GALK2: variants seen among roughly 807,000 people sequenced by gnomAD.
The protein encoded by GALK2 is N-acetylgalactosamine kinase.
A neutral mutation model predicts 52.4 loss-of-function variants in GALK2; 36 were observed. The ratio of observed to expected loss-of-function variants is 0.69; its 90% CI spans 0.53 to 0.91. GALK2 has a LOEUF of 0.91. Ranked by LOEUF, GALK2 falls within the 40% of genes least tolerant of loss-of-function variation. GALK2 has a pLI of 0.00. For missense variants in GALK2, 579 were observed against 559.1 expected (o/e 1.04, Z -0.36); for synonymous variants, 176 against 199.1 (o/e 0.88, Z 0.98).
chr15:49,240,367 A>G (rs537558578), intron 5 of GALK2, among the ~76,000 whole-genome samples: 116 of 152,334 alleles, frequency 7.6e-4, no homozygotes, highest in Non-Finnish European at 9.4e-4. Flanking sequence ...TCATTCAACC[A>G]TTATTTATTT....
intron 5 of GALK2, among the ~76,000 whole-genome samples, chr15:49,279,327 A>G (rs897416833): frequency 6.6e-6 from 1 of 152,210 alleles, no homozygotes; most frequent in South Asian, 2.1e-4. Context: ...AAACTTCTCA[A>G]TGTTCTGGTT....
At chr15:49,159,544 C>A (rs1425828934) in intron 1 of GALK2, among the ~76,000 whole-genome samples, 1 of 150,294 alleles carries the variant, frequency 6.7e-6, no homozygotes, top group East Asian at 1.9e-4. Flanking sequence ...CCATTGCACT[C>A]CAGCCTGGGC....
chr15:49,197,795 T>C (rs1319018709), intron 1 of GALK2, among the ~76,000 whole-genome samples: 2 of 152,170 alleles, frequency 1.3e-5, no homozygotes, highest in Non-Finnish European at 2.9e-5. Flanking sequence ...TTTTCTCCTT[T>C]AGTTTTGAAA....
intron 8 of GALK2, among the ~76,000 whole-genome samples, chr15:49,300,986 G>A (rs1188088851): frequency 5.9e-5 from 9 of 152,142 alleles, no homozygotes; most frequent in Admixed American, 5.9e-4. Flanking sequence ...ACTTCCTTAA[G>A]GATCTTTTGT....
At chr15:49,353,681 A>G (rs371397034) in intron 3 of GALK2, 1 of 145,222 alleles carries the variant, frequency 6.9e-6, no homozygotes, top group East Asian at 2.0e-4. Flanking sequence ...AGGCTTTCCT[A>G]TTCACTTCGC....
At chr15:49,178,917 C>T (rs900298630) in intron 1 of GALK2, among the ~76,000 whole-genome samples, 2 of 152,128 alleles carry the variant, frequency 1.3e-5, no homozygotes, top group Non-Finnish European at 2.9e-5. Context: ...ATAGCTGTGG[C>T]CTTAATTTCC....
chr15:49,308,399 G>A (rs1367754698), intron 8 of GALK2, among the ~76,000 whole-genome samples: 3 of 152,150 alleles, frequency 2.0e-5, no homozygotes, highest in Non-Finnish European at 4.4e-5. Flanking sequence ...ATATTCTAGG[G>A]TATGAAAGTC....
chr15:49,164,288 T>C (rs187303429), intron 1 of GALK2, among the ~76,000 whole-genome samples: 37 of 151,982 alleles, frequency 2.4e-4, no homozygotes, highest in Non-Finnish European at 1.5e-5. Flanking sequence ...CCGAAGCCAA[T>C]TGACAACCAG....
chr15:49,155,955 G>T, exon 1 of GALK2: 1 of 1,612,332 alleles, frequency 6.2e-7, no homozygotes, highest in South Asian at 1.1e-5. Flanking sequence ...GAAAGTAAGG[G>T]ACAGCTTAGG....
chr15:49,160,137 G>GGT (rs1244396138), intron 1 of GALK2, among the ~76,000 whole-genome samples: 1 of 152,030 alleles, frequency 6.6e-6, no homozygotes, highest in Non-Finnish European at 1.5e-5. Flanking sequence ...ATCCAGGCAT[G>GGT]GTGGCACATG....
intron 1 of GALK2, chr15:49,161,745 G>A: frequency 5.3e-6 from 1 of 188,894 alleles, no homozygotes; most frequent in Non-Finnish European, 1.1e-5. Context: ...TTGAGATGGA[G>A]TCTTGCTTTG....
chr15:49,284,281 T>C (rs534228621), intron 7 of GALK2, among the ~76,000 whole-genome samples: 1 of 152,250 alleles, frequency 6.6e-6, no homozygotes, highest in Non-Finnish European at 1.5e-5. Flanking sequence ...TGACTAGCTA[T>C]TGTAGTTCTA....
At chr15:49,270,957 C>G (rs2030464879) in intron 5 of GALK2, among the ~76,000 whole-genome samples, 2 of 152,140 alleles carry the variant, frequency 1.3e-5, no homozygotes, top group South Asian at 4.1e-4. Context: ...TGGGACAGGA[C>G]TGTTCTGCTC....
intron 3 of GALK2, among the ~76,000 whole-genome samples, chr15:49,360,816 T>C (rs2151398914): frequency 6.6e-6 from 1 of 152,304 alleles, no homozygotes; most frequent in East Asian, 1.9e-4. Context: ...TTATCATCCT[T>C]ATAAATAAAT....
chr15:49,304,373 TACTC>T (rs1270301730), intron 8 of GALK2, among the ~76,000 whole-genome samples: 1 of 152,226 alleles, frequency 6.6e-6, no homozygotes, highest in Non-Finnish European at 1.5e-5. Flanking sequence ...GTTTATTTCT[TACTC>T]ACTCTTTATA....
At chr15:49,346,982 T>A (rs1316824989) in intron 3 of GALK2, among the ~76,000 whole-genome samples, 2 of 152,226 alleles carry the variant, frequency 1.3e-5, no homozygotes, top group Non-Finnish European at 2.9e-5. Flanking sequence ...AAACATTTTT[T>A]AAAAGGTTAT....
chr15:49,356,121 A>G (rs2043123446), intron 3 of GALK2, among the ~76,000 whole-genome samples: 1 of 152,208 alleles, frequency 6.6e-6, no homozygotes, highest in Non-Finnish European at 1.5e-5. Flanking sequence ...AACCGGTACC[A>G]GCCGCTGTAA....
At chr15:49,194,810 G>T (rs1387196045) in intron 1 of GALK2, among the ~76,000 whole-genome samples, 2 of 151,484 alleles carry the variant, frequency 1.3e-5, no homozygotes, top group Admixed American at 1.3e-4. Context: ...GGTCAGGCTG[G>T]TCTTGAACTT....
chr15:49,366,975 C>T (rs945729664), intron 3 of GALK2, among the ~76,000 whole-genome samples: 6 of 151,976 alleles, frequency 3.9e-5, no homozygotes, highest in Non-Finnish European at 4.4e-5. Context: ...CAAAGAGCTC[C>T]GATTTTAATT....
Sources: gnomAD v4.1 joint callset for allele counts (sites outside exome capture counted in the v4.1 genomes callset) on GRCh38, gnomAD v4.1.1 for gene constraint, MANE v1.5 for transcripts, NCBI Gene and HGNC (gene_info 2026-07-23, HGNC 2026-07-21) for gene names.